The following SDK1 variants were observed in gnomAD, a reference collection of about 807,000 sequenced individuals.
SDK1 encodes the protein sidekick cell adhesion molecule 1.
A neutral mutation model predicts 245.5 loss-of-function variants in SDK1; 157 were observed. The ratio of observed to expected loss-of-function variants is 0.64; its 90% CI spans 0.56 to 0.73. The LOEUF is 0.73. SDK1 is among the 30% of genes least tolerant of loss of function. The pLI is 0.00. For synonymous variants in SDK1, 1,647 were observed against 1,278.5 expected (o/e 1.29, Z -6.15); for missense variants, 3,583 against 3,002.3 (o/e 1.19, Z -4.52).
chr7:3,989,768 A>G (rs369224726), intron 14 of SDK1, among the ~76,000 whole-genome samples: 4 of 152,248 alleles, frequency 2.6e-5, no homozygotes, highest in South Asian at 2.1e-4. Context: ...GAGATAACTC[A>G]CTTTATTTCT....
intron 1 of SDK1, among the ~76,000 whole-genome samples, chr7:3,522,850 A>G (rs1346080968): frequency 6.6e-6 from 1 of 150,424 alleles, no homozygotes; most frequent in Non-Finnish European, 1.5e-5. Flanking sequence ...TTCGCTATTC[A>G]CATCAGTGAG....
At chr7:3,610,978 G>A (rs1359095292) in intron 1 of SDK1, among the ~76,000 whole-genome samples, 1 of 152,172 alleles carries the variant, frequency 6.6e-6, no homozygotes, top group African/African-American at 2.4e-5. Context: ...TGAGATCAAG[G>A]AATACGCAGC....
At chr7:4,084,200 C>G (rs112674930) in intron 22 of SDK1, among the ~76,000 whole-genome samples, 11 of 152,314 alleles carry the variant, frequency 7.2e-5, no homozygotes, top group African/African-American at 2.6e-4. Flanking sequence ...CCCTTAATTA[C>G]CAGTTTCCAG....
intron 5 of SDK1, among the ~76,000 whole-genome samples, chr7:3,823,572 T>C (rs1779698858): frequency 6.6e-6 from 1 of 152,226 alleles, no homozygotes; most frequent in South Asian, 2.1e-4. Context: ...ATAATTGGAA[T>C]ATGTAAATTT....
intron 4 of SDK1, among the ~76,000 whole-genome samples, chr7:3,671,834 T>C (rs1446533350): frequency 6.6e-6 from 1 of 152,226 alleles, no homozygotes; most frequent in African/African-American, 2.4e-5. Context: ...GAAACCATTT[T>C]ATAGTTTTTT....
At chr7:3,723,759 C>T (rs896413083) in intron 4 of SDK1, among the ~76,000 whole-genome samples, 2 of 149,796 alleles carry the variant, frequency 1.3e-5, no homozygotes, top group Non-Finnish European at 3.0e-5. Flanking sequence ...TATACACGTA[C>T]ATATACATAT....
chr7:3,604,726 C>T (rs1192094395), intron 1 of SDK1, among the ~76,000 whole-genome samples: 1 of 151,494 alleles, frequency 6.6e-6, no homozygotes, highest in East Asian at 1.9e-4. Flanking sequence ...CCTCAGCCTC[C>T]AGAGTAGCTG....
chr7:3,807,047 C>T (rs1036514745), intron 4 of SDK1, among the ~76,000 whole-genome samples: 5 of 152,110 alleles, frequency 3.3e-5, no homozygotes, highest in African/African-American at 1.2e-4. Flanking sequence ...CTTATTTTCT[C>T]ATTTTAGATA....
At chr7:3,660,314 A>G (rs1183519309) in intron 4 of SDK1, among the ~76,000 whole-genome samples, 6 of 152,056 alleles carry the variant, frequency 3.9e-5, no homozygotes, top group Admixed American at 3.3e-4. Flanking sequence ...CACCAAGAAG[A>G]GAGCTTTTCA....
At position 3,453,154 on chromosome 7, in the gene SDK1, T is replaced by G. The variant is rs569855812; in HGVS notation, c.298+151270T>G. Among the ~76,000 whole-genome samples the G allele has an allele frequency of 2.9e-3, 436 of 152,270 alleles. 1 individual carries two copies. Among genetic ancestry groups the G allele is most frequent in the Middle Eastern group, 0.01 (3 of 294 alleles). ...AACCCCCCCCGGTTTTCCAACTCTT[T>G]CCCTCACCAACTTGTGAAGCCTCTG... is the stretch of plus-strand genomic sequence containing the variant. On this transcript the variant is annotated intron_variant, in intron 1 of 44. Transcript: ENST00000404826.
intron 1 of SDK1, among the ~76,000 whole-genome samples, chr7:3,320,684 G>C (rs1779780242): frequency 6.6e-6 from 1 of 152,054 alleles, no homozygotes; most frequent in Non-Finnish European, 1.5e-5. Context: ...GGCCATCCCA[G>C]AATAAGTCCT....
intron 4 of SDK1, among the ~76,000 whole-genome samples, chr7:3,740,993 G>A (rs565717896): frequency 2.0e-5 from 3 of 152,242 alleles, no homozygotes; most frequent in Admixed American, 1.3e-4. Context: ...TGTATAGAAA[G>A]GCTATCAGGG....
chr7:3,462,091 C>G (rs1274796863), intron 1 of SDK1, among the ~76,000 whole-genome samples: 1 of 152,086 alleles, frequency 6.6e-6, no homozygotes, highest in Admixed American at 6.6e-5. Context: ...CTGCCTCAGC[C>G]CACACCTTTT....
At chr7:3,524,841 A>G (rs535794994) in intron 1 of SDK1, among the ~76,000 whole-genome samples, 1 of 152,304 alleles carries the variant, frequency 6.6e-6, no homozygotes, top group African/African-American at 2.4e-5. Flanking sequence ...CAATCTAACA[A>G]AAGGTTTAAA....
chr7:4,145,815 A>C lies in SDK1; in HGVS notation c.4322A>C (p.Asp1441Ala). The change falls in exon 29 of 45, where the codon GAC becomes GCC. Residue 1441 changes from aspartate (D) to alanine (A), a missense_variant. Physicochemically the swap from Asp to Ala is moderately radical, Grantham distance 126 (BLOSUM62 -2). Transcript: ENST00000404826. ...ACAGTGAGGCAGTTCACAGCCACCGACCTGGCCCCGGAGTCCGCATACATC... is the reference window on the plus strand; with the variant it reads ...ACAGTGAGGCAGTTCACAGCCACCGCCCTGGCCCCGGAGTCCGCATACATC... ...GATVRQFTAT[D>A]LAPESAYIFR... 6.2e-7 allele frequency: 1 copy of C among 1,613,780 alleles called. No homozygotes were observed. Among genetic ancestry groups the C allele is most frequent in the Non-Finnish European group, 8.5e-7 (1 of 1,179,930 alleles).
rs912611305 is a variant in SDK1 at position 3,974,328 on chromosome 7, C to T, written c.1818-41C>T. 3.8e-6 allele frequency: 6 copies of T among 1,572,230 alleles called. No individual in the cohort carries two copies. The East Asian group carries it at 1.4e-4, about 36-fold the overall frequency. ...CAGGGAAGGAGCAGTGATTCTGTCA[C>T]TGTGGGGTTTGTAACTCAAGACCCT... On this transcript the variant is annotated intron_variant, in intron 12 of 44. Coordinates refer to ENST00000404826, the MANE Select transcript of SDK1 (RefSeq NM_152744.4).
chr7:4,191,206 GC>G (rs1002258809), intron 35 of SDK1, among the ~76,000 whole-genome samples: 1 of 151,064 alleles, frequency 6.6e-6, no homozygotes, highest in African/African-American at 2.4e-5. Flanking sequence ...GCCCTCCCCC[GC>G]CGCAGTCACG....
At chr7:3,351,202 T>C (rs907008464) in intron 1 of SDK1, among the ~76,000 whole-genome samples, 1 of 152,188 alleles carries the variant, frequency 6.6e-6, no homozygotes, top group Admixed American at 6.5e-5. Flanking sequence ...GTAGTTGTAT[T>C]GTAATTTCAT....
chr7:3,658,142 C>G (rs1783246227), intron 4 of SDK1, among the ~76,000 whole-genome samples: 1 of 152,174 alleles, frequency 6.6e-6, no homozygotes, highest in South Asian at 2.1e-4. Context: ...AGGACTTTTA[C>G]TTTGGTGCGT....
Sources: gnomAD v4.1 joint callset for allele counts (sites outside exome capture counted in the v4.1 genomes callset) on GRCh38, gnomAD v4.1.1 for gene constraint, MANE v1.5 for transcripts, NCBI Gene and HGNC (gene_info 2026-07-23, HGNC 2026-07-21) for gene names.